Variants in CFAP161 observed in about 807,000 individuals in gnomAD.
CFAP161 encodes the protein cilia and flagella associated protein 161, also known as cilia- and flagella-associated protein 161.
A neutral mutation model predicts 29.0 loss-of-function variants in CFAP161; 25 were observed. The ratio of observed to expected loss-of-function variants is 0.86; its 90% CI spans 0.63 to 1.20. CFAP161 has a LOEUF of 1.20. CFAP161 is among the 50% of genes most tolerant of loss of function. The pLI, the probability that CFAP161 is intolerant of heterozygous loss-of-function variation, is 0.00. For missense variants in CFAP161, 367 were observed against 371.9 expected (o/e 0.99, Z 0.11); for synonymous variants, 116 against 137.4 (o/e 0.84, Z 1.09).
At chr15:81,118,661 C>T (rs915264264) in intron 1 of CFAP161, among the ~76,000 whole-genome samples, 2 of 152,242 alleles carry the variant, frequency 1.3e-5, no homozygotes, top group Admixed American at 6.5e-5. Context: ...CACACGCAGC[C>T]GCGCCCCACG....
chr15:81,140,224 A>AATGT (rs1233119155), intron 4 of CFAP161, among the ~76,000 whole-genome samples: 1 of 152,168 alleles, frequency 6.6e-6, no homozygotes, highest in Non-Finnish European at 1.5e-5. Context: ...TTTTGAGTAA[A>AATGT]ATGTAATTCC....
At chr15:81,132,632 A>G (rs1894727477), upstream of CFAP161, among the ~76,000 whole-genome samples, 1 of 152,236 alleles carries the variant, frequency 6.6e-6, no homozygotes, top group African/African-American at 2.4e-5. Flanking sequence ...TGTCAAAAAT[A>G]GCACTAAGGA....
rs116524941 is a variant in CFAP161 at position 81,124,640 on chromosome 15, C to A, written c.-141-2950C>A. ...GAATTCAGATGTGAATCCATCTGCT[C>A]CTGGGCTTTTTTTGGTTCAAAGGCT... On this transcript the variant is annotated intron_variant, in intron 1 of 4. Transcript: ENST00000560091. Among the ~76,000 whole-genome samples the A allele has an allele frequency of 9.7e-3, 1,470 of 152,182 alleles. 25 individuals are homozygous for A. The highest frequency in any genetic ancestry group is 0.034 in the African/African-American group (1,420 of 41,506).
chr15:81,100,071 A>G (rs1165016024), intron 1 of CFAP161, among the ~76,000 whole-genome samples: 8 of 151,898 alleles, frequency 5.3e-5, no homozygotes, highest in African/African-American at 1.4e-4. Flanking sequence ...AATAAGTGTT[A>G]TAAGAGGAGA....
At chr15:81,136,450 A>C in intron 2 of CFAP161, 66 bp from the exon 3 acceptor site, 10 of 1,443,888 alleles carry the variant, frequency 6.9e-6, no homozygotes, top group Non-Finnish European at 8.7e-6. Flanking sequence ...AAGGAAGAAA[A>C]TTGCCTTGGC....
At chr15:81,135,852 G>A (rs1894800836) in intron 2 of CFAP161, among the ~76,000 whole-genome samples, 1 of 152,158 alleles carries the variant, frequency 6.6e-6, no homozygotes, top group African/African-American at 2.4e-5. Flanking sequence ...CAACCATTGT[G>A]GAAGTCAGTG....
At chr15:81,122,942 C>T (rs944861285) in intron 1 of CFAP161, among the ~76,000 whole-genome samples, 3 of 151,946 alleles carry the variant, frequency 2.0e-5, no homozygotes, top group Admixed American at 6.6e-5. Flanking sequence ...GATATTAGAC[C>T]TTTCTTGGAT....
intron 1 of CFAP161, among the ~76,000 whole-genome samples, chr15:81,116,381 C>T (rs1405578528): frequency 6.6e-6 from 1 of 152,210 alleles, no homozygotes; most frequent in African/African-American, 2.4e-5. Context: ...GCAGCCTCCG[C>T]CTCCTGGGTT....
chr15:81,123,566 T>C (rs1894602934), intron 1 of CFAP161, among the ~76,000 whole-genome samples: 1 of 152,232 alleles, frequency 6.6e-6, no homozygotes, highest in Non-Finnish European at 1.5e-5. Flanking sequence ...TTTTTTCTAG[T>C]TCTATGAAGA....
chr15:81,114,074 T>C (rs1317060), intron 1 of CFAP161, among the ~76,000 whole-genome samples: 77,802 of 151,988 alleles, frequency 0.51, 22,098 homozygotes, highest in Non-Finnish European at 0.66. Flanking sequence ...CAAACAAATA[T>C]ACTAGCAAAC....
At chr15:81,109,674 A>C (rs573446033) in intron 1 of CFAP161, among the ~76,000 whole-genome samples, 2 of 152,290 alleles carry the variant, frequency 1.3e-5, no homozygotes, top group African/African-American at 4.8e-5. Context: ...ATGGCACCCC[A>C]ACCTAGATGA....
chr15:81,131,454 T>C (rs894581142), upstream of CFAP161, among the ~76,000 whole-genome samples: 1 of 152,162 alleles, frequency 6.6e-6, no homozygotes, highest in Admixed American at 6.5e-5. Context: ...TGATAGTGTT[T>C]CATTATGAAA....
intron 1 of CFAP161, among the ~76,000 whole-genome samples, chr15:81,112,801 A>C (rs868860864): frequency 1.6e-4 from 25 of 152,372 alleles, no homozygotes; most frequent in African/African-American, 5.8e-4. Context: ...AAATCATAAA[A>C]AAGAAAACAA....
At position 81,138,153 on chromosome 15, in the gene CFAP161, A is replaced by T; in HGVS notation, c.477+18A>T. 6.3e-7 allele frequency: 1 copy of T among 1,580,940 alleles called. No homozygotes were observed. The highest frequency in any genetic ancestry group is 2.2e-5 in the East Asian group (1 of 44,694). On this transcript the variant is annotated intron_variant, in intron 4 of 6. Transcript: ENST00000286732. The stretch of plus-strand genomic sequence containing the variant: ...ACAAAATGGTGAGTTATCACTTTGC[A>T]TATCTACTTTGGATCAGTCATTTCT...
At chr15:81,119,591 A>C (rs960751836) in intron 1 of CFAP161, among the ~76,000 whole-genome samples, 1 of 152,184 alleles carries the variant, frequency 6.6e-6, no homozygotes, top group African/African-American at 2.4e-5. Context: ...GCTCCCATAC[A>C]ATTTACCTAA....
chr15:81,128,080 T>C (rs554292627), intron 2 of CFAP161, among the ~76,000 whole-genome samples: 1 of 152,232 alleles, frequency 6.6e-6, no homozygotes, highest in Admixed American at 6.5e-5. Context: ...GTATTTTTTG[T>C]ATAAGGTGGT....
At chr15:81,118,999 T>A (rs1232482344) in intron 1 of CFAP161, among the ~76,000 whole-genome samples, 1 of 152,220 alleles carries the variant, frequency 6.6e-6, no homozygotes, top group African/African-American at 2.4e-5. Flanking sequence ...ATCAATTGCT[T>A]AGTTTCATGT....
chr15:81,116,574 G>T (rs1163286494), intron 1 of CFAP161, among the ~76,000 whole-genome samples: 3 of 152,340 alleles, frequency 2.0e-5, no homozygotes, highest in Non-Finnish European at 2.9e-5. Context: ...TGGGATTACA[G>T]GCTTGAGTCA....
At chr15:81,118,207 A>C (rs1894524005) in intron 1 of CFAP161, 12 of 481,294 alleles carry the variant, frequency 2.5e-5, no homozygotes, top group South Asian at 2.5e-4. Context: ...CAATTTAGGC[A>C]GCTTGGGGAG....
Sources: allele counts gnomAD v4.1 joint callset (sites outside exome capture counted in the v4.1 genomes callset), GRCh38; gene constraint gnomAD v4.1.1; transcripts MANE v1.5; gene names NCBI Gene and HGNC (gene_info 2026-07-23, HGNC 2026-07-21).